MOSMO: variants seen among roughly 807,000 people sequenced by gnomAD.
The protein encoded by MOSMO is modulator of smoothened, also known as modulator of smoothened protein.
MOSMO carries 5 observed loss-of-function variants against 18.4 expected under a neutral mutation model. That is an observed-to-expected ratio of 0.27 (90% confidence interval 0.14 to 0.57). The LOEUF (loss-of-function observed/expected upper bound fraction) is 0.57, where lower values mean the gene tolerates loss of function less well. Ranked by LOEUF, MOSMO falls within the 20% of genes least tolerant of loss-of-function variation. MOSMO has a pLI of 0.92. For missense variants in MOSMO, 138 were observed against 211.8 expected, an observed-to-expected ratio of 0.65 and a Z score of 2.16; for synonymous variants, 82 against 82.3, an observed-to-expected ratio of 1.00 and a Z score of 0.02.
chr16:22,045,007 C>A (rs1250871458), intron 1 of MOSMO, among the ~76,000 whole-genome samples: 1 of 150,934 alleles, frequency 6.6e-6, no homozygotes, highest in African/African-American at 2.4e-5. Context: ...AAAACTCCAT[C>A]TCTACAAAAA....
chr16:22,013,882 G>C (rs557074946), intron 1 of MOSMO, among the ~76,000 whole-genome samples: 522 of 146,746 alleles, frequency 3.6e-3, no homozygotes, highest in Non-Finnish European at 5.0e-3. Flanking sequence ...TTACTGTTTG[G>C]GGGGGGGGAA....
At chr16:22,067,408 A>G (rs1567513221) in intron 1 of MOSMO, among the ~76,000 whole-genome samples, 2 of 152,214 alleles carry the variant, frequency 1.3e-5, no homozygotes, top group Non-Finnish European at 2.9e-5. Flanking sequence ...TACATTCAGA[A>G]ACATCATAGT....
downstream of MOSMO, among the ~76,000 whole-genome samples, chr16:22,088,226 C>G (rs1567518925): frequency 6.6e-6 from 1 of 152,114 alleles, no homozygotes; most frequent in Non-Finnish European, 1.5e-5. Context: ...AGATGGGGGT[C>G]TCAGTATGTT....
Position 22,044,142 on chromosome 16 carries a change from G to A in MOSMO, c.107-31345G>A, listed in dbSNP as rs561274184. Among the ~76,000 whole-genome samples, 151 of 152,194 alleles carry A rather than the reference G, an allele frequency of 9.9e-4. 1 individual carries two copies. Among genetic ancestry groups the A allele is most frequent in the African/African-American group, 3.4e-3 (140 of 41,532 alleles). ...TCCCACCAGGTCCCTCCCACAACCC[G>A]TGGGAATTATAGGAGTTTCAATCAA... is the stretch of plus-strand genomic sequence containing the variant. On this transcript the variant is annotated intron_variant, in intron 1 of 2. Transcript: ENST00000542527.
intron 1 of MOSMO, among the ~76,000 whole-genome samples, chr16:22,017,944 A>G (rs1899674868): frequency 6.6e-6 from 1 of 152,186 alleles, no homozygotes; most frequent in Non-Finnish European, 1.5e-5. Context: ...ATTTGTGAAT[A>G]TGTACCAACT....
chr16:22,017,419 C>T (rs1899662525), intron 1 of MOSMO, among the ~76,000 whole-genome samples: 1 of 152,124 alleles, frequency 6.6e-6, no homozygotes. Flanking sequence ...TTTTGGTTGT[C>T]AGAATGTTGT....
At chr16:22,037,968 C>T (rs1442912630) in intron 1 of MOSMO, among the ~76,000 whole-genome samples, 1 of 152,198 alleles carries the variant, frequency 6.6e-6, no homozygotes, top group Non-Finnish European at 1.5e-5. Context: ...GCCCCTCTCC[C>T]TTACCTGGAT....
chr16:22,052,951 CTT>C (rs1198266671), intron 1 of MOSMO, among the ~76,000 whole-genome samples: 4 of 124,098 alleles, frequency 3.2e-5, no homozygotes, highest in African/African-American at 3.0e-5. Context: ...CTCTCATCTT[CTT>C]TTTTTTTTTT....
chr16:22,009,999 GAAAAA>G (rs1899490817), intron 1 of MOSMO, among the ~76,000 whole-genome samples: 2 of 151,566 alleles, frequency 1.3e-5, no homozygotes, highest in East Asian at 3.9e-4. Flanking sequence ...TCAAAAAAAA[GAAAAA>G]GAAAAGCATC....
intron 1 of MOSMO, among the ~76,000 whole-genome samples, chr16:22,048,063 C>T (rs1231657592): frequency 7.9e-5 from 12 of 152,190 alleles, no homozygotes; most frequent in Admixed American, 7.9e-4. Flanking sequence ...AACTGAACTG[C>T]AAGGTATCTT....
At position 22,080,826 on chromosome 16, in the gene MOSMO, T is replaced by C. The variant is rs1901064658; in HGVS notation, c.450T>C (p.Ile150=). Residue 150 remains isoleucine, a synonymous_variant, in exon 3 of 3, where the codon ATT becomes ATC. Coordinates refer to ENST00000542527, the MANE Select transcript of MOSMO (RefSeq NM_001164579.2). ...GSSYVLFVLS[I]FFTIVGLLFA... ...CATATGTACTTTTTGTCTTATCAAT[T>C]TTCTTTACAATAGTAGGACTTCTAT... is the stretch of plus-strand genomic sequence containing the variant. 1.4e-6 allele frequency: 2 copies of C among 1,476,866 alleles called. No homozygotes were observed. The highest frequency in any genetic ancestry group is 2.9e-5 in the African/African-American group (2 of 69,168). 91.5% of individuals were successfully genotyped at this position (1,476,866 alleles called of 1,614,324 possible).
chr16:22,031,885 CT>C (rs1900001254), intron 1 of MOSMO, among the ~76,000 whole-genome samples: 1 of 152,124 alleles, frequency 6.6e-6, no homozygotes, highest in Non-Finnish European at 1.5e-5. Flanking sequence ...AATGAAATTG[CT>C]GAGTCATACA....
At chr16:22,058,658 C>T (rs977524897) in intron 1 of MOSMO, among the ~76,000 whole-genome samples, 1 of 152,052 alleles carries the variant, frequency 6.6e-6, no homozygotes, top group Non-Finnish European at 1.5e-5. Flanking sequence ...GAATAACTGA[C>T]CTGTGCAACT....
intron 1 of MOSMO, among the ~76,000 whole-genome samples, chr16:22,059,668 T>C (rs969404320): frequency 6.6e-6 from 1 of 152,148 alleles, no homozygotes; most frequent in Non-Finnish European, 1.5e-5. Flanking sequence ...CAAACACTTA[T>C]AAAACCATCA....
At chr16:22,011,611 G>A (rs1446356956) in intron 1 of MOSMO, among the ~76,000 whole-genome samples, 1 of 152,116 alleles carries the variant, frequency 6.6e-6, no homozygotes, top group Non-Finnish European at 1.5e-5. Context: ...GGGATCGTAG[G>A]CACAAGGTCC....
Position 22,080,957 on chromosome 16 carries a change from A to C in MOSMO, c.*77A>C. The C allele has an allele frequency of 1.5e-6, 1 of 670,466 alleles. No individual in the cohort carries two copies. The highest frequency in any genetic ancestry group is 2.1e-6 in the Non-Finnish European group (1 of 465,874). 41.5% of individuals were successfully genotyped at this position (670,466 alleles called of 1,614,324 possible). A position where few individuals can be genotyped will look rare whatever the true frequency, so the allele number is the denominator to read the frequency against. On this transcript the variant is annotated 3_prime_UTR_variant, in exon 3 of 3. Transcript: ENST00000542527. ...TTATTTTTGGAGGGTGGAGAGGACAAAGGCGAGGCATCTGAGCAGGCCTCT... is the reference window on the plus strand; with the variant it reads ...TTATTTTTGGAGGGTGGAGAGGACACAGGCGAGGCATCTGAGCAGGCCTCT...
At chr16:22,008,616 G>A (rs932153662) in intron 1 of MOSMO, among the ~76,000 whole-genome samples, 1 of 151,848 alleles carries the variant, frequency 6.6e-6, no homozygotes, top group Non-Finnish European at 1.5e-5. Context: ...GGGCTGAGGG[G>A]AGAGGCGCCC....
rs1222317568 is a variant in MOSMO at position 22,082,847 on chromosome 16, C to T, written c.*1967C>T. The T allele has an allele frequency of 6.6e-6, 1 of 152,194 alleles. No individual in the cohort carries two copies. Among genetic ancestry groups the T allele is most frequent in the African/African-American group, 2.4e-5 (1 of 41,452 alleles). 9.4% of individuals were successfully genotyped at this position (152,194 alleles called of 1,614,324 possible). A position where few individuals can be genotyped will look rare whatever the true frequency, so the allele number is the denominator to read the frequency against. On this transcript the variant is annotated 3_prime_UTR_variant, in exon 3 of 3. Coordinates refer to ENST00000542527, the MANE Select transcript of MOSMO (RefSeq NM_001164579.2). ...TTTCTTAAGTGTTCTGGGAGAATGT[C>T]ATACTTTTCCTTCCCAGAGTAAAAG...
downstream of MOSMO, among the ~76,000 whole-genome samples, chr16:22,090,433 A>G (rs1210476365): frequency 6.6e-6 from 1 of 152,056 alleles, no homozygotes; most frequent in Non-Finnish European, 1.5e-5. Flanking sequence ...CACTTTCCTC[A>G]TGACATTAAA....
Sources: allele counts gnomAD v4.1 joint callset (sites outside exome capture counted in the v4.1 genomes callset), GRCh38; gene constraint gnomAD v4.1.1; transcripts MANE v1.5; gene names NCBI Gene and HGNC (gene_info 2026-07-23, HGNC 2026-07-21).